Variants in HECA observed in about 807,000 individuals in gnomAD.
HECA encodes the protein HECA ribonucleoprotein granule regulator.
A neutral mutation model predicts 37.6 loss-of-function variants in HECA; 13 were observed. The observed-to-expected ratio is 0.35, with a 90% CI of 0.23 to 0.55. The LOEUF (loss-of-function observed/expected upper bound fraction) is 0.55. Ranked by LOEUF, HECA falls within the 20% of genes least tolerant of loss-of-function variation. The pLI is 0.90. For synonymous variants in HECA, 307 were observed against 291.5 expected (o/e 1.05, Z -0.54); for missense variants, 527 against 701.9 (o/e 0.75, Z 2.82).
rs1775084310 is a variant in HECA, at chr6:139,178,499, T to C, written c.*1394T>C. The C allele has an allele frequency of 3.5e-5, 1 of 28,338 alleles. No homozygotes were observed. 1.8% of individuals were successfully genotyped at this position (28,338 alleles called of 1,614,324 possible). A position where few individuals can be genotyped will look rare whatever the true frequency, so the allele number is the denominator to read the frequency against. On this transcript the variant is annotated 3_prime_UTR_variant, in exon 4 of 4. Coordinates refer to ENST00000367658, the MANE Select transcript of HECA (RefSeq NM_016217.3). ...TTTATGTTACTCATTTGGTTTATAC[T>C]TTTTTTTTTTTTTTTTTAACTGTGT...
chr6:139,176,663 G>C lies in HECA; in HGVS notation c.1468-278G>C, dbSNP rs1037676717. 2.0e-5 allele frequency among the ~76,000 whole-genome samples: 3 copies of C among 152,186 alleles called. No homozygotes were observed. The highest frequency in any genetic ancestry group is 7.2e-5 in the African/African-American group (3 of 41,436). Reference sequence around the variant, plus strand: ...CTTCAGCCGCTGTCTTAAAATCCAGGGGGAGGGGTTTCTTATTGTTAGGGA... The same window carrying C: ...CTTCAGCCGCTGTCTTAAAATCCAGCGGGAGGGGTTTCTTATTGTTAGGGA... On this transcript the variant is annotated intron_variant, in intron 3 of 3. Coordinates refer to ENST00000367658, the MANE Select transcript of HECA (RefSeq NM_016217.3). This position sits in a 1 kb window ranked among gnomAD's most constrained non-coding sequence, Gnocchi z 4.5.
chr6:139,169,151 T>G (rs1375968041), intron 2 of HECA, among the ~76,000 whole-genome samples: 1 of 152,192 alleles, frequency 6.6e-6, no homozygotes, highest in African/African-American at 2.4e-5. Context: ...ATTATTTCTT[T>G]GACAATTTCC....
chr6:139,163,632 G>A (rs1030996505), intron 1 of HECA, among the ~76,000 whole-genome samples: 12 of 152,170 alleles, frequency 7.9e-5, no homozygotes, highest in East Asian at 1.9e-4. Flanking sequence ...GGGATTACAG[G>A]CGTGAGCCAC....
At position 139,135,667 on chromosome 6, in the gene HECA, G is replaced by A. The variant is rs1487995806; in HGVS notation, c.271G>A (p.Glu91Lys). The A allele has an allele frequency of 4.5e-5, 44 of 981,960 alleles. No individual in the cohort carries two copies. Among genetic ancestry groups the A allele is most frequent in the Non-Finnish European group, 5.3e-5 (44 of 826,622 alleles). 60.8% of individuals were successfully genotyped at this position (981,960 alleles called of 1,614,324 possible). Reference sequence around the variant, plus strand: ...TGCGGCCGCGGGCGATGCCAAAAACGGTAAGACGGGGCTGGCGGGGCGAGC... The same window carrying A: ...TGCGGCCGCGGGCGATGCCAAAAACAGTAAGACGGGGCTGGCGGGGCGAGC... ...GAAAAGDAKN[E>K]APCATPLICS... Residue 91 changes from glutamate to lysine, a missense_variant and splice_region_variant, in exon 1 of 4, where the codon GAA becomes AAA. Coordinates refer to ENST00000367658, the MANE Select transcript of HECA (RefSeq NM_016217.3).
At chr6:139,174,646 A>G (rs1775025489) in intron 3 of HECA, 107 bp downstream of exon 3, 26 of 1,485,480 alleles carry the variant, frequency 1.8e-5, no homozygotes, top group East Asian at 4.6e-5. Flanking sequence ...CAGTCCAGCA[A>G]TGATGGCTGA....
At chr6:139,156,885 A>T (rs2114454517) in intron 1 of HECA, among the ~76,000 whole-genome samples, 1 of 152,340 alleles carries the variant, frequency 6.6e-6, no homozygotes, top group African/African-American at 2.4e-5. Context: ...AGGTTTAAAA[A>T]TACATATTGT....
chr6:139,171,791 T>G (rs1303558154), intron 2 of HECA, among the ~76,000 whole-genome samples: 1 of 152,012 alleles, frequency 6.6e-6, no homozygotes, highest in Non-Finnish European at 1.5e-5. Context: ...CACACTCGGC[T>G]TATTTAATTT....
At chr6:139,153,334 G>A (rs1353926741) in intron 1 of HECA, 2 of 152,006 alleles carry the variant, frequency 1.3e-5, no homozygotes. Context: ...ACAGTTTCCA[G>A]TTCATTGTAA....
intron 1 of HECA, among the ~76,000 whole-genome samples, chr6:139,140,618 C>T (rs1320459825): frequency 1.3e-5 from 2 of 152,200 alleles, no homozygotes; most frequent in Non-Finnish European, 2.9e-5. Context: ...GAATATATTT[C>T]ATTCCATGGA....
intron 1 of HECA, among the ~76,000 whole-genome samples, chr6:139,138,485 C>T (rs541991018): frequency 5.3e-5 from 8 of 152,192 alleles, no homozygotes; most frequent in African/African-American, 1.9e-4. Context: ...TTAATGACTT[C>T]GCTTAAAATT....
chr6:139,163,619 G>T (rs1484534150), intron 1 of HECA, among the ~76,000 whole-genome samples: 1 of 152,200 alleles, frequency 6.6e-6, no homozygotes, highest in African/African-American at 2.4e-5. Context: ...CTTCGAAAGT[G>T]CTGGGATTAC....
At chr6:139,144,856 A>G (rs3777684) in intron 1 of HECA, among the ~76,000 whole-genome samples, 17,244 of 152,168 alleles carry the variant, frequency 0.11, 1,500 homozygotes, top group African/African-American at 0.21. Context: ...AGACTGCTGT[A>G]TGGAAAGCCT....
rs952386301 is a variant in HECA, at chr6:139,156,207, C to CT, written c.272-10067dup. ...TTTAAAATCTTTACTATAGCTTTTT[C>CT]TTTTTTTTTTCTTTGACAGGGTCTG... On this transcript the variant is annotated intron_variant, in intron 1 of 3. Coordinates refer to ENST00000367658, the MANE Select transcript of HECA (RefSeq NM_016217.3). 3.0e-3 allele frequency among the ~76,000 whole-genome samples: 447 copies of CT among 148,666 alleles called. 5 individuals are homozygous for CT. The highest frequency in any genetic ancestry group is 0.01 in the African/African-American group (417 of 40,656).
chr6:139,152,095 C>T (rs528598432), intron 1 of HECA, among the ~76,000 whole-genome samples: 2 of 152,258 alleles, frequency 1.3e-5, no homozygotes, highest in South Asian at 4.1e-4. Flanking sequence ...TTATCTTCAT[C>T]CTGATGTTCA....
chr6:139,174,301 G>A, intron 2 of HECA, 84 bp from the exon 3 acceptor site: 1 of 1,426,636 alleles, frequency 7.0e-7, no homozygotes, highest in Non-Finnish European at 9.5e-7. Flanking sequence ...GCTTATAATT[G>A]GTAGATGAAA....
At chr6:139,136,654 T>A (rs1381562907) in intron 1 of HECA, among the ~76,000 whole-genome samples, 2 of 151,736 alleles carry the variant, frequency 1.3e-5, no homozygotes, top group Non-Finnish European at 2.9e-5. Context: ...TTTTTTTTTT[T>A]AGACGGAGTT....
In HECA at chr6:139,166,266, T is replaced by C; in HGVS notation, c.272-18T>C. The C allele has an allele frequency of 2.6e-6, 4 of 1,568,040 alleles. No individual in the cohort carries two copies. Among genetic ancestry groups the C allele is most frequent in the Non-Finnish European group, 3.5e-6 (4 of 1,155,814 alleles). On this transcript the variant is annotated intron_variant, in intron 1 of 3. Transcript: ENST00000367658. Reference sequence around the variant, plus strand: ...ATCCAAAAATCTGAAATCTGTTCTCTCTTTATTCCTCCCCCAGAAGCCCCA... The same window carrying C: ...ATCCAAAAATCTGAAATCTGTTCTCCCTTTATTCCTCCCCCAGAAGCCCCA...
intron 2 of HECA, among the ~76,000 whole-genome samples, chr6:139,170,764 G>A (rs1774961794): frequency 6.6e-6 from 1 of 152,086 alleles, no homozygotes; most frequent in African/African-American, 2.4e-5. Context: ...GAATGTGAAT[G>A]GAAAGATTTT....
rs1474240317 is a variant in HECA at position 139,178,907 on chromosome 6, T to C, written c.*1802T>C. On this transcript the variant is annotated 3_prime_UTR_variant, in exon 4 of 4. Transcript: ENST00000367658. ...GTTCTATATGAAGTATTTGATGTTT[T>C]GTTTGAAACAATACAGCATTAAAGA... 1 of 152,228 alleles carries C rather than the reference T, an allele frequency of 6.6e-6. No homozygotes were observed. The highest frequency in any genetic ancestry group is 1.5e-5 in the Non-Finnish European group (1 of 68,050). 9.4% of individuals were successfully genotyped at this position (152,228 alleles called of 1,614,324 possible). A position where few individuals can be genotyped will look rare whatever the true frequency, so the allele number is the denominator to read the frequency against.
Sources: allele counts gnomAD v4.1 joint callset (sites outside exome capture counted in the v4.1 genomes callset), GRCh38; gene constraint gnomAD v4.1.1; non-coding constraint Gnocchi (gnomAD v3.1); transcripts MANE v1.5; gene names NCBI Gene and HGNC (gene_info 2026-07-23, HGNC 2026-07-21).